Variants in MXI1 observed in about 807,000 individuals in gnomAD.
MXI1 encodes the protein max-interacting protein 1.
MXI1 carries 18 observed loss-of-function variants against 36.9 expected under a neutral mutation model. The ratio of observed to expected loss-of-function variants is 0.49; its 90% CI spans 0.34 to 0.72. MXI1 has a LOEUF of 0.72. Among genes scored for constraint, MXI1 ranks in the 30% least tolerant of loss-of-function variants. MXI1 has a pLI of 0.01. For synonymous variants in MXI1, 160 were observed against 146.7 expected (o/e 1.09, Z -0.65); for missense variants, 304 against 379.1 (o/e 0.80, Z 1.64).
At position 110,286,468 on chromosome 10, in the gene MXI1, A is replaced by G. The variant is rs1050227491; in HGVS notation, c.*1481A>G. 6.8e-6 allele frequency: 1 copy of G among 147,386 alleles called. No homozygotes were observed. Among genetic ancestry groups the G allele is most frequent in the Non-Finnish European group, 1.5e-5 (1 of 67,452 alleles). 9.1% of individuals were successfully genotyped at this position (147,386 alleles called of 1,614,324 possible). On this transcript the variant is annotated 3_prime_UTR_variant, in exon 6 of 6. Coordinates refer to ENST00000332674, the MANE Select transcript of MXI1 (RefSeq NM_130439.3). ...GCTGTTTGGACTTTGTATACTTTAAATAATTTAACTACCCTTAATTACTTA... is the reference window on the plus strand; with the variant it reads ...GCTGTTTGGACTTTGTATACTTTAAGTAATTTAACTACCCTTAATTACTTA...
At chr10:110,257,168 A>G (rs10884942) in intron 3 of MXI1, 81,402 of 152,140 alleles carry the variant, frequency 0.54, 25,656 homozygotes, top group African/African-American at 0.85. Context: ...GATTCTACAA[A>G]AAAGATGATA....
At position 110,227,280 on chromosome 10, in the gene MXI1, GA is replaced by G. The variant is rs1282197586; in HGVS notation, c.275-908del. The G allele has an allele frequency of 7.8e-5, 72 of 926,650 alleles. 1 individual carries two copies. Among genetic ancestry groups the G allele is most frequent in the Admixed American group, 3.6e-4 (5 of 14,054 alleles). The allele number at this position is 926,650 out of a possible 1,614,324, so 57.4% of individuals were successfully genotyped here. On this transcript the variant is annotated intron_variant, in intron 1 of 5. Transcript: ENST00000332674. Reference sequence around the variant, plus strand: ...GTGCGGGAAGGGCGTGCGCGTGTGGGAGGGGCGTGCGCGTGTGGGAGGGGCG... The same window carrying G: ...GTGCGGGAAGGGCGTGCGCGTGTGGGGGGGCGTGCGCGTGTGGGAGGGGCG...
Position 110,228,341 on chromosome 10 carries a change from T to C in MXI1, c.407+20T>C, listed in dbSNP as rs1855137029. On this transcript the variant is annotated intron_variant, in intron 2 of 5. Coordinates refer to ENST00000332674, the MANE Select transcript of MXI1 (RefSeq NM_130439.3). ...CAACAGGTAGCAAGCTGGGAACGCT[T>C]AGAAGAGGGAACTGGAGGGAAGGAG... The C allele has an allele frequency of 6.2e-7, 1 of 1,613,802 alleles. No homozygotes were observed. The highest frequency in any genetic ancestry group is 8.5e-7 in the Non-Finnish European group (1 of 1,179,972).
intron 1 of MXI1, among the ~76,000 whole-genome samples, chr10:110,212,215 G>A (rs994264311): frequency 1.3e-5 from 2 of 152,184 alleles, no homozygotes; most frequent in African/African-American, 2.4e-5. Context: ...TGGATCACCT[G>A]GGTTTGAGGG....
chr10:110,282,046 C>T (rs370510254), intron 5 of MXI1, among the ~76,000 whole-genome samples: 39 of 152,230 alleles, frequency 2.6e-4, no homozygotes, highest in African/African-American at 7.0e-4. Flanking sequence ...ATCAACTTTT[C>T]GGTTATCCTG....
chr10:110,256,995 C>G (rs1856323993), intron 3 of MXI1: 1 of 152,166 alleles, frequency 6.6e-6, no homozygotes, highest in Non-Finnish European at 1.5e-5. Flanking sequence ...AGATTAGTCT[C>G]TATTTAGCAT....
At chr10:110,227,510 G>C (rs944919384) in intron 1 of MXI1, 9 of 987,038 alleles carry the variant, frequency 9.1e-6, no homozygotes, top group Non-Finnish European at 1.1e-5. Context: ...GGGTGACCGT[G>C]GAGAAGCTTG....
rs1207335021 is a variant in MXI1 at position 110,279,303 on chromosome 10, T to G, written c.552+9T>G. On this transcript the variant is annotated intron_variant, in intron 4 of 5. Coordinates refer to ENST00000332674, the MANE Select transcript of MXI1 (RefSeq NM_130439.3). ...CCAAAGCACACATCAAGGTGAGAATTTTTACTTTCAGATTTGCACAATTCC... is the reference window on the plus strand; with the variant it reads ...CCAAAGCACACATCAAGGTGAGAATGTTTACTTTCAGATTTGCACAATTCC... 1 of 1,610,272 alleles carries G rather than the reference T, an allele frequency of 6.2e-7. No individual in the cohort carries two copies. The highest frequency in any genetic ancestry group is 8.5e-7 in the Non-Finnish European group (1 of 1,176,678).
chr10:110,209,666 A>G (rs976254069), intron 1 of MXI1, among the ~76,000 whole-genome samples: 1 of 151,608 alleles, frequency 6.6e-6, no homozygotes, highest in African/African-American at 2.4e-5. Flanking sequence ...TCGGAGGGGG[A>G]TGGGGCGCGG....
At chr10:110,270,860 C>T (rs887234476) in intron 3 of MXI1, among the ~76,000 whole-genome samples, 4 of 152,016 alleles carry the variant, frequency 2.6e-5, no homozygotes, top group East Asian at 3.9e-4. Flanking sequence ...GAGGCCGAGG[C>T]GGGCAGATTG....
At position 110,207,895 on chromosome 10, in the gene MXI1, C is replaced by T. The variant is rs1205492948; in HGVS notation, c.87C>T (p.Ala29=). ...APAAPPAVPP[A]VAAPQPPALP... is the part of the protein sequence containing the mutation. ...CCGCGCCCCCGGCTGTGCCCCCCGC[C>T]GTGGCCGCGCCCCAGCCCCCGGCCC... The change falls in exon 1 of 6, where the codon GCC becomes GCT. Residue 29 remains alanine (A), a synonymous_variant. Coordinates refer to ENST00000332674, the MANE Select transcript of MXI1 (RefSeq NM_130439.3). 2.2e-6 allele frequency: 3 copies of T among 1,383,072 alleles called. No individual in the cohort carries two copies. The highest frequency in any genetic ancestry group is 3.1e-5 in the African/African-American group (2 of 65,132). The allele number at this position is 1,383,072 out of a possible 1,614,324, so 85.7% of individuals were successfully genotyped here.
intron 1 of MXI1, chr10:110,226,131 C>T: frequency 7.7e-7 from 1 of 1,302,360 alleles, no homozygotes; most frequent in Non-Finnish European, 9.8e-7. Context: ...GGAACGGCGC[C>T]CGGCCGTAGC....
chr10:110,227,262 A>T, intron 1 of MXI1: 1 of 629,580 alleles, frequency 1.6e-6, no homozygotes, highest in Non-Finnish European at 1.8e-6. Context: ...CGTGTGCGGG[A>T]AGGGCGTGCG....
chr10:110,286,695 C>T lies in MXI1; in HGVS notation c.*1708C>T, dbSNP rs1449485142. 3 of 152,570 alleles carry T rather than the reference C, an allele frequency of 2.0e-5. No individual in the cohort carries two copies. Among genetic ancestry groups the T allele is most frequent in the Non-Finnish European group, 4.4e-5 (3 of 68,030 alleles). The allele number at this position is 152,570 out of a possible 1,614,324, so 9.5% of individuals were successfully genotyped here. On this transcript the variant is annotated 3_prime_UTR_variant, in exon 6 of 6. Transcript: ENST00000332674. ...GTGAGTGACACTTTAACAGCATTCA[C>T]TGCTTCTATATATAGTGTACCATCT...
At position 110,286,459 on chromosome 10, in the gene MXI1, A is replaced by G. The variant is rs550496346; in HGVS notation, c.*1472A>G. On this transcript the variant is annotated 3_prime_UTR_variant, in exon 6 of 6. Coordinates refer to ENST00000332674, the MANE Select transcript of MXI1 (RefSeq NM_130439.3). ...TTACCCCTGGCTGTTTGGACTTTGT[A>G]TACTTTAAATAATTTAACTACCCTT... The G allele has an allele frequency of 7.0e-4, 105 of 150,354 alleles. No homozygotes were observed. The highest frequency in any genetic ancestry group is 2.5e-3 in the African/African-American group (101 of 40,396). The allele number at this position is 150,354 out of a possible 1,614,324, so 9.3% of individuals were successfully genotyped here. A position where few individuals can be genotyped will look rare whatever the true frequency, so the allele number is the denominator to read the frequency against.
chr10:110,220,011 C>T (rs72830447), intron 1 of MXI1, among the ~76,000 whole-genome samples: 13,411 of 152,244 alleles, frequency 0.088, 1,102 homozygotes, highest in East Asian at 0.29. Context: ...AAAAGACACT[C>T]CTACAATGTT....
rs564574096 is a variant in MXI1, at chr10:110,232,374, C to G, written c.407+4053C>G. Among the ~76,000 whole-genome samples, 6 of 152,244 alleles carry G rather than the reference C, an allele frequency of 3.9e-5. No individual in the cohort carries two copies. The South Asian group carries it at 1.0e-3, about 26-fold the overall frequency. ...CCTGCAGGGAATCATTTTCCCTCCC[C>G]CTTTGTTATCTCTGTTGAATAACAC... On this transcript the variant is annotated intron_variant, in intron 2 of 5. Transcript: ENST00000332674.
At chr10:110,237,131 TAGAC>T (rs750862804) in intron 2 of MXI1, among the ~76,000 whole-genome samples, 8 of 150,814 alleles carry the variant, frequency 5.3e-5, no homozygotes, top group Non-Finnish European at 8.8e-5. Flanking sequence ...ATTTTCTAAA[TAGAC>T]AGTAATGTTG....
intron 1 of MXI1, among the ~76,000 whole-genome samples, chr10:110,225,009 A>G (rs1361290258): frequency 6.6e-6 from 1 of 152,236 alleles, no homozygotes; most frequent in African/African-American, 2.4e-5. Context: ...AGAGGAGAGC[A>G]TAAGAGAAAA....
Sources: gnomAD v4.1 joint callset for allele counts (sites outside exome capture counted in the v4.1 genomes callset) on GRCh38, gnomAD v4.1.1 for gene constraint, MANE v1.5 for transcripts, NCBI Gene and HGNC (gene_info 2026-07-23, HGNC 2026-07-21) for gene names.